The following PCNX2 variants were observed in gnomAD, a reference collection of about 807,000 sequenced individuals.
The protein encoded by PCNX2 is pecanex 2.
Under a neutral mutation model 223.8 loss-of-function variants are expected in PCNX2, and 168 were observed. The ratio of observed to expected loss-of-function variants is 0.75; its 90% CI spans 0.66 to 0.85. The LOEUF (loss-of-function observed/expected upper bound fraction) is 0.85. Among genes scored for constraint, PCNX2 ranks in the 40% least tolerant of loss-of-function variants. PCNX2 has a pLI of 0.00. For synonymous variants in PCNX2, 1,006 were observed against 1,052.6 expected (o/e 0.96, Z 0.86); for missense variants, 2,507 against 2,675.5 (o/e 0.94, Z 1.39).
intron 17 of PCNX2, among the ~76,000 whole-genome samples, chr1:233,166,296 C>G (rs545694074): frequency 6.6e-6 from 1 of 152,122 alleles, no homozygotes; most frequent in African/African-American, 2.4e-5. Context: ...TCAAACTGCT[C>G]AAAGCAACCA....
chr1:233,031,953 C>A, intron 25 of PCNX2: 2 of 985,258 alleles, frequency 2.0e-6, no homozygotes, highest in Non-Finnish European at 2.4e-6. Flanking sequence ...ACACTGGGAC[C>A]CTTGGATTGC....
intron 25 of PCNX2, among the ~76,000 whole-genome samples, chr1:233,051,197 T>C (rs1417111787): frequency 1.3e-5 from 2 of 152,154 alleles, no homozygotes; most frequent in Non-Finnish European, 2.9e-5. Flanking sequence ...AAACAATAGA[T>C]GCTGGTGAGG....
chr1:233,152,832 GCTTT>G (rs1252954918), intron 19 of PCNX2, among the ~76,000 whole-genome samples: 2 of 152,114 alleles, frequency 1.3e-5, no homozygotes, highest in African/African-American at 4.8e-5. Flanking sequence ...CTTAGGGAGC[GCTTT>G]CTGTCTGCCA....
intron 25 of PCNX2, among the ~76,000 whole-genome samples, chr1:233,038,194 C>T (rs1431922219): frequency 6.6e-6 from 1 of 152,126 alleles, no homozygotes; most frequent in East Asian, 1.9e-4. Context: ...AACCAAATCA[C>T]TAAGTATACA....
intron 15 of PCNX2, among the ~76,000 whole-genome samples, chr1:233,186,510 CA>C (rs1680107733): frequency 6.6e-6 from 1 of 152,134 alleles, no homozygotes; most frequent in Non-Finnish European, 1.5e-5. Flanking sequence ...TAGGCTCTGG[CA>C]TCCCCGAACC....
In PCNX2 at chr1:233,009,761, C is replaced by A. The variant is rs543570552; in HGVS notation, c.4952+4904G>T. Among the ~76,000 whole-genome samples, 151 of 152,244 alleles carry A rather than the reference C, an allele frequency of 9.9e-4. 1 individual carries two copies. The highest frequency in any genetic ancestry group is 3.4e-3 in the African/African-American group (142 of 41,532). On this transcript the variant is annotated intron_variant, in intron 28 of 33. Transcript: ENST00000258229. ...TGGGGTCTGTATTCTGATCAAGCTC[C>A]CTCTGTGATTCTGAGGTTTGGACTC...
intron 8 of PCNX2, among the ~76,000 whole-genome samples, chr1:233,238,540 A>G (rs1373024237): frequency 6.6e-6 from 1 of 152,048 alleles, no homozygotes; most frequent in Non-Finnish European, 1.5e-5. Flanking sequence ...AAATAGAAAA[A>G]AAATTAGCTG....
chr1:233,259,387 G>A, intron 4 of PCNX2, 43 bp from the exon 5 acceptor site: 2 of 1,539,924 alleles, frequency 1.3e-6, no homozygotes, highest in Non-Finnish European at 1.8e-6. Flanking sequence ...AGAAATGAAT[G>A]AGTAATGCCC....
chr1:233,091,725 C>T (rs1361517255), intron 22 of PCNX2, among the ~76,000 whole-genome samples: 2 of 108,204 alleles, frequency 1.8e-5, no homozygotes, highest in South Asian at 3.3e-4. Context: ...AGAGTGAGAC[C>T]CTCCCTCAAA....
chr1:233,241,153 G>T, intron 8 of PCNX2: 1 of 981,936 alleles, frequency 1.0e-6, no homozygotes, highest in Non-Finnish European at 1.2e-6. Context: ...AATTTTAACA[G>T]GGATTCTTGT....
Position 232,990,653 on chromosome 1 carries a change from C to T in PCNX2, c.5792-4113G>A, listed in dbSNP as rs1253329900. ...TGCTGAGCCCAGATCATGCTTACCA[C>T]CCAGCCCAGCACCTCAGAGGTTTCC... On this transcript the variant is annotated intron_variant, in intron 32 of 33. Transcript: ENST00000258229. This position sits in a 1 kb window ranked among gnomAD's most constrained non-coding sequence, Gnocchi z 4.3. 6.6e-6 allele frequency among the ~76,000 whole-genome samples: 1 copy of T among 152,196 alleles called. No homozygotes were observed. The highest frequency in any genetic ancestry group is 1.5e-5 in the Non-Finnish European group (1 of 68,032).
Position 233,295,573 on chromosome 1 carries a change from G to T in PCNX2, c.-95C>A. 2 of 1,247,146 alleles carry T rather than the reference G, an allele frequency of 1.6e-6. No homozygotes were observed. The highest frequency in any genetic ancestry group is 2.0e-6 in the Non-Finnish European group (2 of 986,060). 77.3% of individuals were successfully genotyped at this position (1,247,146 alleles called of 1,614,324 possible). On this transcript the variant is annotated 5_prime_UTR_variant, in exon 1 of 34. Transcript: ENST00000258229. This position sits in a 1 kb window ranked among gnomAD's most constrained non-coding sequence, Gnocchi z 4.1. ...CCTCAGGTCTAACACCCGGGCCCGC[G>T]GGCCGCGCCCCCGCCGTCGCCGCCG... is the stretch of plus-strand genomic sequence containing the variant.
chr1:233,309,377 A>C, the PCNX2 span, among the ~76,000 whole-genome samples: 1 of 151,806 alleles, frequency 6.6e-6, no homozygotes. Flanking sequence ...CCCCACTTCT[A>C]CTAAAATACA....
chr1:233,053,873 A>G (rs1672094314), intron 25 of PCNX2, among the ~76,000 whole-genome samples: 1 of 152,196 alleles, frequency 6.6e-6, no homozygotes, highest in Non-Finnish European at 1.5e-5. Context: ...GAAAAGCTCT[A>G]AGACCTTAAA....
At chr1:233,037,502 T>TTTTCTTTCTTTCTTTC (rs149916555) in intron 25 of PCNX2, among the ~76,000 whole-genome samples, 8,153 of 150,904 alleles carry the variant, frequency 0.054, 288 homozygotes, top group East Asian at 0.18. Context: ...ACCTGATTGA[T>TTTTCTTTCTTTCTTTC]TTTCTTTCTT....
intron 21 of PCNX2, among the ~76,000 whole-genome samples, chr1:233,117,715 TAAG>T (rs1675497890): frequency 1.3e-5 from 2 of 149,884 alleles, no homozygotes; most frequent in South Asian, 2.1e-4. Context: ...CATAAACAAT[TAAG>T]AAGAATTATA....
At chr1:233,209,467 G>A (rs1213307312) in intron 12 of PCNX2, among the ~76,000 whole-genome samples, 1 of 151,854 alleles carries the variant, frequency 6.6e-6, no homozygotes, top group Non-Finnish European at 1.5e-5. Flanking sequence ...AGATTCAGGG[G>A]GAAAAAAACA....
intron 1 of PCNX2, among the ~76,000 whole-genome samples, chr1:233,278,587 G>C (rs1661028941): frequency 6.6e-6 from 1 of 152,174 alleles, no homozygotes; most frequent in African/African-American, 2.4e-5. Context: ...CTGTACAGGG[G>C]AGTGGAGATT....
chr1:233,112,711 G>GTCGCCGT, intron 21 of PCNX2: 1 of 744,558 alleles, frequency 1.3e-6, no homozygotes, highest in Non-Finnish European at 1.8e-6. Context: ...GTAGATCTTT[G>GTCGCCGT]AACAATATAA....
Sources: allele counts gnomAD v4.1 joint callset (sites outside exome capture counted in the v4.1 genomes callset), GRCh38; gene constraint gnomAD v4.1.1; non-coding constraint Gnocchi (gnomAD v3.1); transcripts MANE v1.5; gene names NCBI Gene and HGNC (gene_info 2026-07-23, HGNC 2026-07-21).